BPNT2: variants seen among roughly 807,000 people sequenced by gnomAD.
BPNT2 encodes the protein Golgi-resident adenosine 3',5'-bisphosphate 3'-phosphatase.
Under a neutral mutation model 29.3 loss-of-function variants are expected in BPNT2, and 11 were observed. That is an observed-to-expected ratio of 0.38 (90% CI 0.24 to 0.62). BPNT2 has a LOEUF of 0.62. BPNT2 is among the 20% of genes least tolerant of loss of function. The pLI is 0.62. For synonymous variants in BPNT2, 195 were observed against 187.7 expected (o/e 1.04, Z -0.32); for missense variants, 459 against 473.4 (o/e 0.97, Z 0.28).
intron 2 of BPNT2, among the ~76,000 whole-genome samples, chr8:56,978,355 A>C (rs1806181208): frequency 6.6e-6 from 1 of 152,222 alleles, no homozygotes; most frequent in South Asian, 2.1e-4. Flanking sequence ...ATACCATCTC[A>C]CACTAGTCAG....
At chr8:56,966,151 AG>A in intron 4 of BPNT2, 39 bp downstream of exon 4, 1 of 1,607,252 alleles carries the variant, frequency 6.2e-7, no homozygotes, top group Non-Finnish European at 8.5e-7. Context: ...TGACCATGCC[AG>A]GAACATTCTC....
chr8:56,960,492 T>A lies in BPNT2; in HGVS notation c.*3301A>T, dbSNP rs181450935. ...ATTTGCACAACTGTTACTTAAAACA[T>A]ACAAACCAAAATGTTTTTGTTACTT... On this transcript the variant is annotated 3_prime_UTR_variant, in exon 5 of 5. Transcript: ENST00000262644. 6.6e-5 allele frequency: 10 copies of A among 152,328 alleles called. No homozygotes were observed. The highest frequency in any genetic ancestry group is 5.2e-4 in the Admixed American group (8 of 15,302). 9.4% of individuals were successfully genotyped at this position (152,328 alleles called of 1,614,324 possible). A position where few individuals can be genotyped will look rare whatever the true frequency, so the allele number is the denominator to read the frequency against.
intron 1 of BPNT2, among the ~76,000 whole-genome samples, chr8:56,992,025 A>G (rs1806423885): frequency 6.6e-6 from 1 of 152,206 alleles, no homozygotes; most frequent in African/African-American, 2.4e-5. Flanking sequence ...TAGGAAATAC[A>G]ATGTTCCTTT....
chr8:56,975,826 T>C (rs1806121523), intron 3 of BPNT2, among the ~76,000 whole-genome samples: 1 of 152,184 alleles, frequency 6.6e-6, no homozygotes, highest in African/African-American at 2.4e-5. Context: ...AAAATTTCTA[T>C]GGTTGATTCT....
At chr8:56,967,077 T>C (rs1805964788) in intron 3 of BPNT2, 1 of 429,024 alleles carries the variant, frequency 2.3e-6, no homozygotes, top group Admixed American at 2.5e-5. Context: ...TTTTCTTCAC[T>C]GACTATAAAA....
intron 1 of BPNT2, among the ~76,000 whole-genome samples, chr8:56,985,347 T>G (rs1386280276): frequency 6.6e-6 from 1 of 152,090 alleles, no homozygotes; most frequent in Middle Eastern, 3.2e-3. Context: ...CCACTCAACC[T>G]ACTCTTCCTT....
In BPNT2 at chr8:56,963,805, T is replaced by C; in HGVS notation, c.1068A>G (p.Thr356=). 6.2e-7 allele frequency: 1 copy of C among 1,614,232 alleles called. No homozygotes were observed. The highest frequency in any genetic ancestry group is 1.1e-5 in the South Asian group (1 of 91,088). The part of the protein sequence containing the change: ...LVRKLPDLEK[T]GHK ...TAATCAGTTATGCTCATTTATGTCC[T>C]GTCTTTTCTAGATCTGGGAGTTTTC... The change falls in exon 5 of 5, where the codon ACA becomes ACG. Residue 356 remains threonine (T), a synonymous_variant. Coordinates refer to ENST00000262644, the MANE Select transcript of BPNT2 (RefSeq NM_017813.5).
At position 56,963,471 on chromosome 8, in the gene BPNT2, T is replaced by C. The variant is rs1585553844; in HGVS notation, c.*322A>G. On this transcript the variant is annotated 3_prime_UTR_variant, in exon 5 of 5. Transcript: ENST00000262644. ...TGAAAGTACTAACAGTGAAGATTCA[T>C]GATGTTGTGTGAAAATGGTGACTCA... The C allele has an allele frequency of 1.1e-5, 3 of 270,028 alleles. No individual in the cohort carries two copies. In the East Asian group the frequency reaches 2.4e-4, roughly 21 times the overall value. The allele number at this position is 270,028 out of a possible 1,614,324, so 16.7% of individuals were successfully genotyped here. A position where few individuals can be genotyped will look rare whatever the true frequency, so the allele number is the denominator to read the frequency against.
chr8:56,983,316 C>T (rs1806275564), intron 1 of BPNT2, among the ~76,000 whole-genome samples: 1 of 152,046 alleles, frequency 6.6e-6, no homozygotes, highest in Non-Finnish European at 1.5e-5. Flanking sequence ...CTGAAGAGAT[C>T]TAAAGAAAAT....
At chr8:56,981,475 G>A (rs1375665297) in intron 1 of BPNT2, among the ~76,000 whole-genome samples, 1 of 152,142 alleles carries the variant, frequency 6.6e-6, no homozygotes, top group Non-Finnish European at 1.5e-5. Context: ...TGAGGCAGGA[G>A]AATCACTTGA....
rs187695645 is a variant in BPNT2 at position 56,962,004 on chromosome 8, C to T, written c.*1789G>A. ...AGATGCTTATACCACAGGACTCTGGCAACAGCATATACCTTTGCCATCTCT... is the reference window on the plus strand; with the variant it reads ...AGATGCTTATACCACAGGACTCTGGTAACAGCATATACCTTTGCCATCTCT... On this transcript the variant is annotated 3_prime_UTR_variant, in exon 5 of 5. Coordinates refer to ENST00000262644, the MANE Select transcript of BPNT2 (RefSeq NM_017813.5). 1 of 152,244 alleles carries T rather than the reference C, an allele frequency of 6.6e-6. No homozygotes were observed. Among genetic ancestry groups the T allele is most frequent in the Admixed American group, 6.5e-5 (1 of 15,290 alleles). The allele number at this position is 152,244 out of a possible 1,614,324, so 9.4% of individuals were successfully genotyped here. A position where few individuals can be genotyped will look rare whatever the true frequency, so the allele number is the denominator to read the frequency against.
Position 56,980,284 on chromosome 8 carries a change from C to T in BPNT2, c.388-87G>A. The T allele has an allele frequency of 3.9e-6, 4 of 1,030,064 alleles. No homozygotes were observed. The Middle Eastern group carries it at 6.2e-4, about 160-fold the overall frequency. 63.8% of individuals were successfully genotyped at this position (1,030,064 alleles called of 1,614,324 possible). A position where few individuals can be genotyped will look rare whatever the true frequency, so the allele number is the denominator to read the frequency against. ...ACAAAAGTATTTCAGACAACAATCA[C>T]CCAAATTATAAATAAGTAAATCCCT... On this transcript the variant is annotated intron_variant, in intron 1 of 4. Coordinates refer to ENST00000262644, the MANE Select transcript of BPNT2 (RefSeq NM_017813.5).
At position 56,993,182 on chromosome 8, in the gene BPNT2, C is replaced by A. The variant is rs1303218533; in HGVS notation, c.387+17G>T. 6.3e-7 allele frequency: 1 copy of A among 1,589,778 alleles called. No homozygotes were observed. Among genetic ancestry groups the A allele is most frequent in the Non-Finnish European group, 8.5e-7 (1 of 1,175,200 alleles). On this transcript the variant is annotated intron_variant, in intron 1 of 4. Coordinates refer to ENST00000262644, the MANE Select transcript of BPNT2 (RefSeq NM_017813.5). Reference sequence around the variant, plus strand: ...CGCTACCCGGCTCGAGTGGGCGCTCCGCCCGTGGGCTCCCACCTGGACGCT... The same window carrying A: ...CGCTACCCGGCTCGAGTGGGCGCTCAGCCCGTGGGCTCCCACCTGGACGCT...
intron 3 of BPNT2, among the ~76,000 whole-genome samples, chr8:56,973,309 C>A (rs1806068235): frequency 6.6e-6 from 1 of 152,028 alleles, no homozygotes; most frequent in Non-Finnish European, 1.5e-5. Flanking sequence ...TCATAAGGAC[C>A]TTTAAGGCTC....
intron 3 of BPNT2, among the ~76,000 whole-genome samples, chr8:56,974,658 C>T (rs776576724): frequency 3.9e-5 from 6 of 152,112 alleles, no homozygotes; most frequent in African/African-American, 7.2e-5. Flanking sequence ...AGAGAGTTTG[C>T]GGACTAGCAA....
intron 1 of BPNT2, among the ~76,000 whole-genome samples, chr8:56,990,237 T>C (rs558317230): frequency 6.6e-6 from 1 of 152,318 alleles, no homozygotes; most frequent in Admixed American, 6.5e-5. Flanking sequence ...TTTGAACAAA[T>C]CAAGTTGAGG....
chr8:56,988,886 G>T (rs1297049676), intron 1 of BPNT2, among the ~76,000 whole-genome samples: 1 of 152,084 alleles, frequency 6.6e-6, no homozygotes, highest in Non-Finnish European at 1.5e-5. Context: ...AGTTATTTTT[G>T]ACATATCCCT....
chr8:56,957,962 T>C lies in BPNT2; in HGVS notation c.*5831A>G, dbSNP rs972680688. On this transcript the variant is annotated 3_prime_UTR_variant, in exon 5 of 5. Coordinates refer to ENST00000262644, the MANE Select transcript of BPNT2 (RefSeq NM_017813.5). ...AGACATGACCAATTTATTCAGAGAA[T>C]TCAAATTTCGTTTGGCAAAGTATAT... 2 of 152,140 alleles carry C rather than the reference T, an allele frequency of 1.3e-5. No homozygotes were observed. Among genetic ancestry groups the C allele is most frequent in the Non-Finnish European group, 2.9e-5 (2 of 68,036 alleles). The allele number at this position is 152,140 out of a possible 1,614,324, so 9.4% of individuals were successfully genotyped here. A position where few individuals can be genotyped will look rare whatever the true frequency, so the allele number is the denominator to read the frequency against.
chr8:56,980,040 T>C lies in BPNT2; in HGVS notation c.545A>G (p.Tyr182Cys). 1.9e-6 allele frequency: 3 copies of C among 1,613,828 alleles called. No homozygotes were observed. The highest frequency in any genetic ancestry group is 2.5e-6 in the Non-Finnish European group (3 of 1,179,852). Residue 182 changes from tyrosine to cysteine, a missense_variant, in exon 2 of 5, where the codon TAT (tyrosine) becomes TGT (cysteine). Transcript: ENST00000262644. ...GAGTTCAGTTTAAAAATTACCTGTA[T>C]ATTCCTGTGTAGCATCAAGTGGGTC... is the stretch of plus-strand genomic sequence containing the variant. Reference protein sequence around the residue: ...WIDPLDATQEYTEDLRKYVTT... With the variant: ...WIDPLDATQECTEDLRKYVTT...
Sources: gnomAD v4.1 joint callset for allele counts (sites outside exome capture counted in the v4.1 genomes callset) on GRCh38, gnomAD v4.1.1 for gene constraint, MANE v1.5 for transcripts, NCBI Gene and HGNC (gene_info 2026-07-23, HGNC 2026-07-21) for gene names.